TRMT1L: variants seen among roughly 807,000 people sequenced by gnomAD.
TRMT1L encodes tRNA methyltransferase 1L.
Under a neutral mutation model 81.6 loss-of-function variants are expected in TRMT1L, and 28 were observed. The observed-to-expected ratio is 0.34, with a 90% CI of 0.25 to 0.47. The LOEUF (loss-of-function observed/expected upper bound fraction) is 0.47, where lower values mean the gene tolerates loss of function less well. Ranked by LOEUF, TRMT1L falls within the 20% of genes least tolerant of loss-of-function variation. The probability of loss-of-function intolerance (pLI) is 1.00; values close to 1 mark genes in which losing one functional copy is unlikely to be tolerated. For missense variants in TRMT1L, 739 were observed against 877.1 expected (o/e 0.84, Z 1.99); for synonymous variants, 301 against 303.2 (o/e 0.99, Z 0.07).
In TRMT1L at chr1:185,156,464, C is replaced by T. The variant is rs1221231731; in HGVS notation, c.235+14G>A. 1.9e-6 allele frequency: 3 copies of T among 1,613,890 alleles called. No homozygotes were observed. Among genetic ancestry groups the T allele is most frequent in the Admixed American group, 1.7e-5 (1 of 60,024 alleles). ...CTCTTCTGCAGCAGAAAGATCTGGG[C>T]CTTCTGCACTTACTGCTTTTAGCCT... On this transcript the variant is annotated intron_variant, in intron 1 of 14. Transcript: ENST00000367506.
At chr1:185,132,085 G>A (rs1454592030) in intron 10 of TRMT1L, among the ~76,000 whole-genome samples, 2 of 151,950 alleles carry the variant, frequency 1.3e-5, no homozygotes, top group Non-Finnish European at 1.5e-5. Context: ...AGGTTGCAGT[G>A]AGCCAAGATC....
chr1:185,123,406 A>T (rs1036020925), intron 13 of TRMT1L, among the ~76,000 whole-genome samples: 10 of 152,192 alleles, frequency 6.6e-5, no homozygotes. Flanking sequence ...AGCTAGATTT[A>T]AAGTATGCAC....
At chr1:185,133,920 G>A (rs550281022) in intron 10 of TRMT1L, among the ~76,000 whole-genome samples, 3 of 152,060 alleles carry the variant, frequency 2.0e-5, no homozygotes, top group East Asian at 1.9e-4. Flanking sequence ...TAAAATTTGC[G>A]AACAATATTT....
chr1:185,137,779 T>C lies in TRMT1L; in HGVS notation c.1340A>G (p.Asn447Ser). ...AAVARAAARC[N>S]KGIEVLFAVA... ...TGCAAACAGTACTTCTATGCCTTTG[T>C]TGCATCGGGCTGCAGCTCTACAATA... Residue 447 changes from asparagine to serine, a missense_variant, in exon 10 of 15, where the codon AAC becomes AGC. Coordinates refer to ENST00000367506, the MANE Select transcript of TRMT1L (RefSeq NM_030934.5). 6.2e-7 allele frequency: 1 copy of C among 1,613,394 alleles called. No homozygotes were observed. Among genetic ancestry groups the C allele is most frequent in the Non-Finnish European group, 8.5e-7 (1 of 1,179,858 alleles).
chr1:185,127,828 A>AT (rs1307555931), intron 11 of TRMT1L, among the ~76,000 whole-genome samples: 5 of 151,758 alleles, frequency 3.3e-5, no homozygotes, highest in Non-Finnish European at 7.4e-5. Flanking sequence ...GATTAAAATA[A>AT]TTTGGCCAGG....
intron 10 of TRMT1L, among the ~76,000 whole-genome samples, chr1:185,132,458 G>A (rs777431411): frequency 7.9e-5 from 12 of 151,736 alleles, no homozygotes; most frequent in South Asian, 2.1e-4. Context: ...GGTGAAGGTT[G>A]CAGTGAGCTG....
chr1:185,128,235 C>G (rs1652682827), intron 11 of TRMT1L, among the ~76,000 whole-genome samples: 1 of 152,196 alleles, frequency 6.6e-6, no homozygotes, highest in African/African-American at 2.4e-5. Context: ...ATAACTTTAT[C>G]TAAAACAAAG....
chr1:185,140,661 A>G (rs1653013259), intron 7 of TRMT1L, among the ~76,000 whole-genome samples: 1 of 151,948 alleles, frequency 6.6e-6, no homozygotes, highest in Non-Finnish European at 1.5e-5. Context: ...AACACTGCAC[A>G]ATAGCATTGT....
intron 8 of TRMT1L, 98 bp downstream of exon 8, chr1:185,139,875 A>G (rs1652991277): frequency 1.5e-6 from 2 of 1,374,244 alleles, no homozygotes; most frequent in Middle Eastern, 1.9e-4. Context: ...TAATTTAAAT[A>G]AATAAACAAC....
At chr1:185,122,695 T>G (rs1371596849) in intron 13 of TRMT1L, among the ~76,000 whole-genome samples, 1 of 149,500 alleles carries the variant, frequency 6.7e-6, no homozygotes, top group African/African-American at 2.5e-5. Flanking sequence ...TTTTTTTTTT[T>G]TTTTTTTTTG....
Position 185,156,927 on chromosome 1 carries a change from T to A in TRMT1L, c.-215A>T. On this transcript the variant is annotated 5_prime_UTR_variant, in exon 1 of 15. Transcript: ENST00000367506. ...CAGAGGCAGCGATTCCAGATGCCCG[T>A]CCGCTTCCCTTTCCCCGAGGCGTTA... The A allele has an allele frequency of 4.7e-6, 3 of 633,082 alleles. No homozygotes were observed. The highest frequency in any genetic ancestry group is 7.7e-6 in the Non-Finnish European group (3 of 389,390). 39.2% of individuals were successfully genotyped at this position (633,082 alleles called of 1,614,324 possible). A position where few individuals can be genotyped will look rare whatever the true frequency, so the allele number is the denominator to read the frequency against.
Position 185,118,289 on chromosome 1 carries a change from C to T in TRMT1L, c.*1730G>A, listed in dbSNP as rs889774234. 2.0e-5 allele frequency: 3 copies of T among 152,096 alleles called. No homozygotes were observed. Among genetic ancestry groups the T allele is most frequent in the Non-Finnish European group, 4.4e-5 (3 of 68,008 alleles). 9.4% of individuals were successfully genotyped at this position (152,096 alleles called of 1,614,324 possible). On this transcript the variant is annotated 3_prime_UTR_variant, in exon 15 of 15. Transcript: ENST00000367506. ...GATCAGAGTTCTAAACTACCGCCTA[C>T]CAAATTTTTCTTTGAAAAATCTACC...
intron 7 of TRMT1L, among the ~76,000 whole-genome samples, 194 bp from the exon 8 acceptor site, chr1:185,140,416 A>G (rs868815335): frequency 6.6e-6 from 1 of 152,290 alleles, no homozygotes; most frequent in South Asian, 2.1e-4. Flanking sequence ...ATTTTAACTA[A>G]TACTTCTTCT....
At chr1:185,125,212 T>C (rs1652593032) in intron 11 of TRMT1L, 102 bp from the exon 12 acceptor site, 2 of 699,124 alleles carry the variant, frequency 2.9e-6, no homozygotes, top group East Asian at 6.0e-5. Context: ...TAATTAATTA[T>C]ATGACAGAGT....
intron 11 of TRMT1L, among the ~76,000 whole-genome samples, chr1:185,125,671 A>C (rs1190858817): frequency 6.6e-6 from 1 of 152,188 alleles, no homozygotes; most frequent in Non-Finnish European, 1.5e-5. Flanking sequence ...TAAAGAAGGA[A>C]AATGTTATAT....
chr1:185,127,812 G>A (rs1215085320), intron 11 of TRMT1L, among the ~76,000 whole-genome samples: 1 of 150,150 alleles, frequency 6.7e-6, no homozygotes, highest in East Asian at 2.0e-4. Flanking sequence ...TTAAGGTAAG[G>A]ATTCTGATTA....
chr1:185,135,600 A>G (rs1195772119), intron 10 of TRMT1L, among the ~76,000 whole-genome samples: 1 of 152,030 alleles, frequency 6.6e-6, no homozygotes, highest in African/African-American at 2.4e-5. Context: ...CTATGTAAAT[A>G]AAACAGAAAT....
At chr1:185,120,658 CG>C (rs1193092982) in intron 13 of TRMT1L, 149 bp from the exon 14 acceptor site, 10 of 683,830 alleles carry the variant, frequency 1.5e-5, no homozygotes, top group Non-Finnish European at 2.0e-5. Flanking sequence ...TCTATTTTCA[CG>C]GTCCTTCACT....
At chr1:185,144,175 C>T in intron 5 of TRMT1L, 146 bp from the exon 6 acceptor site, 1 of 943,478 alleles carries the variant, frequency 1.1e-6, no homozygotes, top group Non-Finnish European at 1.5e-6. Flanking sequence ...TGTGTTAATG[C>T]AAACGGTTTG....
Sources: gnomAD v4.1 joint callset for allele counts (sites outside exome capture counted in the v4.1 genomes callset) on GRCh38, gnomAD v4.1.1 for gene constraint, MANE v1.5 for transcripts, NCBI Gene and HGNC (gene_info 2026-07-23, HGNC 2026-07-21) for gene names.